PLIN3: variants seen among roughly 807,000 people sequenced by gnomAD.
PLIN3 encodes the protein perilipin 3.
A neutral mutation model predicts 35.9 loss-of-function variants in PLIN3; 30 were observed. That is an observed-to-expected ratio of 0.84 (90% CI 0.62 to 1.13). PLIN3 has a LOEUF of 1.13. PLIN3 is among the 50% of genes most tolerant of loss of function. PLIN3 has a pLI of 0.00. For synonymous variants in PLIN3, 261 were observed against 262.5 expected, an observed-to-expected ratio of 0.99 and a Z score of 0.06; for missense variants, 603 against 596.9, an observed-to-expected ratio of 1.01 and a Z score of -0.11.
chr19:4,858,572 T>TG (rs1213608337), intron 4 of PLIN3, among the ~76,000 whole-genome samples: 1 of 150,618 alleles, frequency 6.6e-6, no homozygotes, highest in Non-Finnish European at 1.5e-5. Context: ...TTAGTAGAGA[T>TG]GGGGTTTCAC....
At chr19:4,863,278 A>T (rs2030733737) in intron 1 of PLIN3, among the ~76,000 whole-genome samples, 1 of 152,008 alleles carries the variant, frequency 6.6e-6, no homozygotes, top group South Asian at 2.1e-4. Context: ...CGGGTGGATC[A>T]CCTGAGGTCA....
At chr19:4,865,825 G>A (rs1353674595) in intron 1 of PLIN3, among the ~76,000 whole-genome samples, 3 of 148,830 alleles carry the variant, frequency 2.0e-5, no homozygotes, top group African/African-American at 7.4e-5. Flanking sequence ...CCCGGTTCAC[G>A]CCATTCTCCT....
intron 4 of PLIN3, among the ~76,000 whole-genome samples, chr19:4,858,588 T>C (rs1234562264): frequency 6.6e-6 from 1 of 151,638 alleles, no homozygotes; most frequent in African/African-American, 2.4e-5. Flanking sequence ...TTCACTGTGT[T>C]TGCCAGGATG....
chr19:4,843,486 T>C (rs1049339965), intron 7 of PLIN3, among the ~76,000 whole-genome samples: 18 of 135,802 alleles, frequency 1.3e-4, no homozygotes, highest in East Asian at 6.2e-4. Context: ...CCAGCCTGGG[T>C]GACAGAGCGA....
At chr19:4,843,894 G>A (rs917769861) in intron 7 of PLIN3, among the ~76,000 whole-genome samples, 5 of 152,118 alleles carry the variant, frequency 3.3e-5, no homozygotes, top group South Asian at 2.1e-4. Context: ...CCTAAAACTC[G>A]CCCTTTGAAG....
At chr19:4,857,161 G>A (rs2030502656) in intron 4 of PLIN3, among the ~76,000 whole-genome samples, 1 of 152,072 alleles carries the variant, frequency 6.6e-6, no homozygotes, top group East Asian at 1.9e-4. Flanking sequence ...ACTGAGGTAG[G>A]GCACAGTGGC....
intron 7 of PLIN3, among the ~76,000 whole-genome samples, chr19:4,841,283 A>T (rs1208434621): frequency 6.6e-6 from 1 of 152,196 alleles, no homozygotes; most frequent in Non-Finnish European, 1.5e-5. Flanking sequence ...TCAGCCATGG[A>T]ACGTCATGGG....
intron 1 of PLIN3, among the ~76,000 whole-genome samples, chr19:4,863,757 G>C (rs942983815): frequency 6.6e-6 from 1 of 151,390 alleles, no homozygotes; most frequent in Non-Finnish European, 1.5e-5. Context: ...GAACCCAGGA[G>C]GTGGAGGTTG....
Position 4,839,371 on chromosome 19 carries a change from T to C in PLIN3, c.1126A>G (p.Ile376Val). The C allele has an allele frequency of 6.2e-7, 1 of 1,613,504 alleles. No individual in the cohort carries two copies. The highest frequency in any genetic ancestry group is 8.5e-7 in the Non-Finnish European group (1 of 1,179,536). The change falls in exon 8 of 8, where the codon ATC becomes GTC. Residue 376 changes from isoleucine (I) to valine (V), a missense_variant. Coordinates refer to ENST00000221957, the MANE Select transcript of PLIN3 (RefSeq NM_005817.5). ...CTGGACAGGTCCTGGAAGGAGTGGA[T>C]GCTGGAAAACGTGGCCTGGAGGTCC... ...VEDLQATFSS[I>V]HSFQDLSSSI... is the part of the protein sequence containing the mutation.
Position 4,865,981 on chromosome 19 carries a change from C to T in PLIN3, c.-18+1628G>A, listed in dbSNP as rs1324095848. On this transcript the variant is annotated intron_variant, in intron 1 of 7. Coordinates refer to ENST00000221957, the MANE Select transcript of PLIN3 (RefSeq NM_005817.5). The stretch of plus-strand genomic sequence containing the variant: ...CTCATGATCCGCCCGCCTCGGCCTC[C>T]GAAAATGCTGGGATTACAGGCGTGA... 4.7e-5 allele frequency among the ~76,000 whole-genome samples: 7 copies of T among 150,512 alleles called. No individual in the cohort carries two copies. In the South Asian group the frequency reaches 8.4e-4, roughly 18 times the overall value.
intron 2 of PLIN3, 73 bp from the exon 3 acceptor site, chr19:4,860,097 C>T: frequency 7.1e-7 from 1 of 1,403,524 alleles, no homozygotes; most frequent in Non-Finnish European, 1.0e-6. Context: ...TCAGGGTGCC[C>T]TGCAGTTTTG....
intron 6 of PLIN3, among the ~76,000 whole-genome samples, chr19:4,846,888 A>ATTT (rs912854737): frequency 2.2e-5 from 3 of 138,216 alleles, no homozygotes; most frequent in Non-Finnish European, 4.7e-5. Context: ...GACAGTACGA[A>ATTT]TTTTTTTTTT....
intron 7 of PLIN3, among the ~76,000 whole-genome samples, chr19:4,842,656 G>A (rs2029933217): frequency 6.7e-6 from 1 of 148,708 alleles, no homozygotes; most frequent in Non-Finnish European, 1.5e-5. Flanking sequence ...TTTGCCCAGA[G>A]CCCTGGCAGC....
In PLIN3 at chr19:4,862,955, G is replaced by A. The variant is rs146681127; in HGVS notation, c.-17-1544C>T. 5.2e-4 allele frequency among the ~76,000 whole-genome samples: 78 copies of A among 151,378 alleles called. 1 individual carries two copies. In the South Asian group the frequency reaches 8.5e-3, roughly 17 times the overall value. ...GGGTGGAACACGAGGTCAGGAGTTC[G>A]AGTCCAGCCTGGCCAACATAGTGAA... On this transcript the variant is annotated intron_variant, in intron 1 of 7. Transcript: ENST00000221957.
At chr19:4,863,512 A>AAG (rs1555736038) in intron 1 of PLIN3, among the ~76,000 whole-genome samples, 8 of 148,666 alleles carry the variant, frequency 5.4e-5, no homozygotes, top group Admixed American at 1.4e-4. Context: ...AAAAAAAAAA[A>AAG]AGAGATTTAA....
chr19:4,863,497 CAAAA>C (rs57974543), intron 1 of PLIN3, among the ~76,000 whole-genome samples: 1 of 119,994 alleles, frequency 8.3e-6, no homozygotes, highest in African/African-American at 3.2e-5. Flanking sequence ...AACTCTGTCT[CAAAA>C]AAAAAAAAAA....
chr19:4,851,571 C>A (rs1248153903), intron 5 of PLIN3, among the ~76,000 whole-genome samples: 1 of 151,994 alleles, frequency 6.6e-6, no homozygotes, highest in Non-Finnish European at 1.5e-5. Flanking sequence ...GGCGGGAACA[C>A]CAGCATTGTT....
chr19:4,858,270 CAAAAAAAAAA>C (rs1188330437), intron 4 of PLIN3, among the ~76,000 whole-genome samples: 1 of 51,238 alleles, frequency 2.0e-5, no homozygotes, highest in Non-Finnish European at 3.3e-5. Context: ...GACCCCGTCT[CAAAAAAAAAA>C]AAAAAAAAAA....
At chr19:4,863,827 CAAA>C (rs766592535) in intron 1 of PLIN3, among the ~76,000 whole-genome samples, 3 of 116,882 alleles carry the variant, frequency 2.6e-5, no homozygotes, top group Admixed American at 1.8e-4. Context: ...GACTCCATCT[CAAA>C]AAAAAAAAAA....
Sources: allele counts gnomAD v4.1 joint callset (sites outside exome capture counted in the v4.1 genomes callset), GRCh38; gene constraint gnomAD v4.1.1; transcripts MANE v1.5; gene names NCBI Gene and HGNC (gene_info 2026-07-23, HGNC 2026-07-21).